The following ANKRD18B variants were observed in gnomAD, a reference collection of about 807,000 sequenced individuals.
ANKRD18B encodes the protein ankyrin repeat domain-containing protein 18B.
ANKRD18B carries 75 observed loss-of-function variants against 111.8 expected under a neutral mutation model. The observed-to-expected ratio is 0.67, with a 90% CI of 0.56 to 0.81. ANKRD18B has a LOEUF of 0.81. Ranked by LOEUF, ANKRD18B falls within the 40% of genes least tolerant of loss-of-function variation. ANKRD18B has a pLI of 0.00. For synonymous variants in ANKRD18B, 356 were observed against 417.3 expected (o/e 0.85, Z 1.79); for missense variants, 1,038 against 1,225.5 (o/e 0.85, Z 2.28).
In ANKRD18B at chr9:33,547,818, T is replaced by C. The variant is rs966042336; in HGVS notation, c.1150-120T>C. 3 of 696,964 alleles carry C rather than the reference T, an allele frequency of 4.3e-6. No homozygotes were observed. In the African/African-American group the frequency reaches 5.6e-5, roughly 13 times the overall value. 43.2% of individuals were successfully genotyped at this position (696,964 alleles called of 1,614,324 possible). A position where few individuals can be genotyped will look rare whatever the true frequency, so the allele number is the denominator to read the frequency against. ...GTTTTGCTTCAATTTTTTTCTCCAG[T>C]TGGTTATCCACTTACAGCAACTTTT... is the stretch of plus-strand genomic sequence containing the variant. On this transcript the variant is annotated intron_variant, in intron 10 of 18. Coordinates refer to ENST00000684830, the MANE Select transcript of ANKRD18B (RefSeq NM_001393611.1).
chr9:33,557,894 A>G (rs1398370781), intron 13 of ANKRD18B, among the ~76,000 whole-genome samples, 164 bp from the exon 14 acceptor site: 1 of 152,152 alleles, frequency 6.6e-6, no homozygotes, highest in Non-Finnish European at 1.5e-5. Flanking sequence ...ATATAAGATT[A>G]TAATTTCATA....
At position 33,548,501 on chromosome 9, in the gene ANKRD18B, G is replaced by A; in HGVS notation, c.1713G>A (p.Lys571=). ...LRETRDALRE[K]TLALESVQLD... is the part of the protein sequence containing the mutation. ...AGACAAGAGATGCTCTCAGGGAAAAGACATTGGCTTTAGAAAGTGTACAGC... is the reference window on the plus strand; with the variant it reads ...AGACAAGAGATGCTCTCAGGGAAAAAACATTGGCTTTAGAAAGTGTACAGC... Residue 571 remains lysine (K), a synonymous_variant, in exon 11 of 19, where the codon AAG becomes AAA. Transcript: ENST00000684830. The A allele has an allele frequency of 6.4e-7, 1 of 1,551,176 alleles. No homozygotes were observed. Among genetic ancestry groups the A allele is most frequent in the Non-Finnish European group, 8.7e-7 (1 of 1,146,676 alleles).
chr9:33,563,739 T>C (rs917365317), intron 14 of ANKRD18B, among the ~76,000 whole-genome samples: 20 of 151,364 alleles, frequency 1.3e-4, no homozygotes, highest in Non-Finnish European at 2.4e-4. Context: ...CTAACTAGCA[T>C]ATTTACTACT....
At chr9:33,529,891 G>C (rs1041565762) in intron 3 of ANKRD18B, among the ~76,000 whole-genome samples, 1 of 152,144 alleles carries the variant, frequency 6.6e-6, no homozygotes, top group African/African-American at 2.4e-5. Flanking sequence ...GAACAAATTA[G>C]TAACTGATTT....
chr9:33,541,518 C>T (rs1469299274), intron 9 of ANKRD18B, among the ~76,000 whole-genome samples: 2 of 152,128 alleles, frequency 1.3e-5, no homozygotes, highest in Non-Finnish European at 2.9e-5. Context: ...TGGGCAACAT[C>T]GCCAGACCTC....
chr9:33,565,698 C>T (rs940132895), intron 14 of ANKRD18B, among the ~76,000 whole-genome samples: 1 of 151,966 alleles, frequency 6.6e-6, no homozygotes, highest in Non-Finnish European at 1.5e-5. Context: ...ATCTCAAATT[C>T]CTGGCCTCCA....
chr9:33,524,580 C>G lies in ANKRD18B; in HGVS notation c.91C>G (p.Arg31Gly), dbSNP rs543361569. 1.3e-6 allele frequency: 2 copies of G among 1,551,478 alleles called. No individual in the cohort carries two copies. The highest frequency in any genetic ancestry group is 2.4e-5 in the South Asian group (2 of 84,052). ...GTATGCGGGTCGGGGGTACCACATTCGGGACTGGGAACTGCGGAAGATCCA... is the reference window on the plus strand; with the variant it reads ...GTATGCGGGTCGGGGGTACCACATTGGGGACTGGGAACTGCGGAAGATCCA... ...QEYAGRGYHI[R>G]DWELRKIHRA... is the part of the protein sequence containing the mutation. Residue 31 changes from arginine to glycine, a missense_variant, in exon 1 of 19, where the codon CGG (arginine) becomes GGG (glycine). Physicochemically the swap from Arg to Gly is moderately radical, Grantham distance 125 (BLOSUM62 -2). This residue lies in a region of ANKRD18B where 216 missense variants were observed against 205.1 expected (regional missense o/e 1.05). Coordinates refer to ENST00000684830, the MANE Select transcript of ANKRD18B (RefSeq NM_001393611.1).
intron 10 of ANKRD18B, among the ~76,000 whole-genome samples, chr9:33,546,660 G>A (rs527665): frequency 3.3e-5 from 5 of 152,046 alleles, no homozygotes; most frequent in Non-Finnish European, 5.9e-5. Flanking sequence ...TTTATTTGAC[G>A]AATTGGATGT....
In ANKRD18B at chr9:33,567,122, A is replaced by G. The variant is rs1170827454; in HGVS notation, c.2762A>G (p.Lys921Arg). The G allele has an allele frequency of 6.5e-7, 1 of 1,531,408 alleles. No individual in the cohort carries two copies. The highest frequency in any genetic ancestry group is 1.4e-5 in the African/African-American group (1 of 71,618). The allele number at this position is 1,531,408 out of a possible 1,614,324, so 94.9% of individuals were successfully genotyped here. Residue 921 changes from lysine (K) to arginine (R), a missense_variant, in exon 16 of 19, where the codon AAA (lysine) becomes AGA (arginine). By Grantham distance (26) the Lys-to-Arg change is conservative (BLOSUM62 2). Transcript: ENST00000684830. ...IHLQKQAEYE[K>R]QLEQLNKDNT... ...TTTTAGAAACAAGCAGAATATGAAA[A>G]ACAATTAGAGCAGTTAAACAAGGAT...
intron 17 of ANKRD18B, among the ~76,000 whole-genome samples, chr9:33,569,949 A>T (rs917368231): frequency 3.3e-5 from 5 of 152,216 alleles, no homozygotes; most frequent in African/African-American, 1.2e-4. Flanking sequence ...TATACTAGGG[A>T]TATACCTAAA....
chr9:33,552,948 A>G (rs1828468083), intron 12 of ANKRD18B, among the ~76,000 whole-genome samples: 1 of 152,094 alleles, frequency 6.6e-6, no homozygotes, highest in Non-Finnish European at 1.5e-5. Context: ...CATTTCATAG[A>G]TAAAGAACCG....
intron 9 of ANKRD18B, among the ~76,000 whole-genome samples, chr9:33,542,414 ACT>A (rs1224528884): frequency 8.0e-6 from 1 of 124,650 alleles, no homozygotes; most frequent in African/African-American, 2.9e-5. Flanking sequence ...ACAAGTTTTT[ACT>A]CTGTCACCCA....
chr9:33,561,849 AATTCTTAGTTTATGTCT>A (rs1165837546), intron 14 of ANKRD18B, among the ~76,000 whole-genome samples: 8 of 152,310 alleles, frequency 5.3e-5, no homozygotes, highest in Non-Finnish European at 7.3e-5. Flanking sequence ...TTAGATTATC[AATTCTTAGTTTATGTCT>A]ATTCTTAGTT....
chr9:33,536,118 T>C (rs1232672067), intron 5 of ANKRD18B, among the ~76,000 whole-genome samples: 1 of 152,102 alleles, frequency 6.6e-6, no homozygotes, highest in African/African-American at 2.4e-5. Flanking sequence ...GAATGGTAGT[T>C]GTCCCAGCCA....
intron 13 of ANKRD18B, 141 bp downstream of exon 13, chr9:33,555,961 A>G: frequency 3.0e-6 from 2 of 659,634 alleles, no homozygotes; most frequent in Non-Finnish European, 4.4e-6. Context: ...AATATATTTC[A>G]GAAACTCACA....
intron 14 of ANKRD18B, among the ~76,000 whole-genome samples, chr9:33,562,156 T>C (rs1828617652): frequency 6.6e-6 from 1 of 152,046 alleles, no homozygotes; most frequent in Admixed American, 6.6e-5. Context: ...TCATTTTCAG[T>C]AAATTTTGGT....
intron 17 of ANKRD18B, among the ~76,000 whole-genome samples, chr9:33,569,744 T>G (rs1828741560): frequency 6.6e-6 from 1 of 152,128 alleles, no homozygotes; most frequent in South Asian, 2.1e-4. Context: ...GTTAAAACCT[T>G]TGTGCTTGGC....
chr9:33,542,318 G>A (rs1435905787), intron 9 of ANKRD18B, among the ~76,000 whole-genome samples: 3 of 149,436 alleles, frequency 2.0e-5, no homozygotes, highest in Non-Finnish European at 4.4e-5. Flanking sequence ...ACCTGTGTAC[G>A]TGGAGAAAAG....
At chr9:33,530,527 C>CAAAAAAAA in intron 3 of ANKRD18B, among the ~76,000 whole-genome samples, 1 of 82,986 alleles carries the variant, frequency 1.2e-5, no homozygotes, top group Non-Finnish European at 2.3e-5. Flanking sequence ...ACAACAAGAG[C>CAAAAAAAA]AAAAAAAAAA....
Sources: allele counts gnomAD v4.1 joint callset (sites outside exome capture counted in the v4.1 genomes callset), GRCh38; gene constraint gnomAD v4.1.1; regional missense constraint gnomAD v4.1.1; transcripts MANE v1.5; gene names NCBI Gene and HGNC (gene_info 2026-07-23, HGNC 2026-07-21).